Variants in PLA2G4D observed in about 807,000 individuals in gnomAD.
PLA2G4D encodes the protein cytosolic phospholipase A2 delta.
Under a neutral mutation model 94.4 loss-of-function variants are expected in PLA2G4D, and 80 were observed. The observed-to-expected ratio is 0.85, with a 90% confidence interval of 0.71 to 1.02. PLA2G4D has a LOEUF of 1.02. Ranked by LOEUF, PLA2G4D falls within the 50% of genes least tolerant of loss-of-function variation. The pLI is 0.00. For synonymous variants in PLA2G4D, 438 were observed against 440.9 expected, an observed-to-expected ratio of 0.99 and a Z score of 0.08; for missense variants, 1,050 against 1,034.7, an observed-to-expected ratio of 1.01 and a Z score of -0.20.
intron 13 of PLA2G4D, among the ~76,000 whole-genome samples, chr15:42,073,594 T>C (rs1164278264): frequency 6.6e-6 from 1 of 152,128 alleles, no homozygotes; most frequent in Non-Finnish European, 1.5e-5. Context: ...GAAGAGTGTC[T>C]AGTTCTAGAG....
At chr15:42,080,904 T>G in intron 12 of PLA2G4D, 93 bp downstream of exon 12, 1 of 1,463,514 alleles carries the variant, frequency 6.8e-7, no homozygotes, top group Non-Finnish European at 9.2e-7. Context: ...TCACACCTAC[T>G]TGGCCTCCCC....
Position 42,082,409 on chromosome 15 carries a change from C to T in PLA2G4D, c.673-20G>A. ...GGAGCTCTGAAGGGAAAGCATCATT[C>T]ATTCATTCATTCATTCATTCAACAA... is the stretch of plus-strand genomic sequence containing the variant. On this transcript the variant is annotated intron_variant, in intron 8 of 19. Coordinates refer to ENST00000290472, the MANE Select transcript of PLA2G4D (RefSeq NM_178034.4). The T allele has an allele frequency of 6.5e-7, 1 of 1,541,900 alleles. No individual in the cohort carries two copies. The highest frequency in any genetic ancestry group is 1.4e-5 in the African/African-American group (1 of 72,550).
chr15:42,083,353 G>T lies in PLA2G4D; in HGVS notation c.536-19C>A. On this transcript the variant is annotated intron_variant, in intron 7 of 19. Transcript: ENST00000290472. ...TCCTGATCTAGGGAGAGAGTAGGCG[G>T]GTTAGCATGAGAACAAGAGCCCGGA... 5 of 1,605,508 alleles carry T rather than the reference G, an allele frequency of 3.1e-6. No homozygotes were observed. Among genetic ancestry groups the T allele is most frequent in the Non-Finnish European group, 3.4e-6 (4 of 1,176,826 alleles).
intron 8 of PLA2G4D, among the ~76,000 whole-genome samples, chr15:42,082,815 A>C (rs1890064555): frequency 6.6e-6 from 1 of 152,116 alleles, no homozygotes; most frequent in Non-Finnish European, 1.5e-5. Context: ...ACAGGAGAGC[A>C]CTTGGCATAT....
intron 11 of PLA2G4D, 102 bp downstream of exon 11, chr15:42,081,377 C>T: frequency 6.6e-7 from 1 of 1,519,534 alleles, no homozygotes; most frequent in Non-Finnish European, 8.9e-7. Flanking sequence ...ACACACATGC[C>T]CACTCTCCAC....
At chr15:42,083,673 C>A (rs1462438049) in intron 7 of PLA2G4D, 43 bp downstream of exon 7, 1 of 1,609,270 alleles carries the variant, frequency 6.2e-7, no homozygotes, top group Non-Finnish European at 8.5e-7. Context: ...TCCTCACCCC[C>A]ACATCCAGGC....
intron 1 of PLA2G4D, among the ~76,000 whole-genome samples, chr15:42,090,975 T>G (rs901167789): frequency 1.2e-4 from 18 of 152,340 alleles, no homozygotes; most frequent in African/African-American, 2.2e-4. Flanking sequence ...AGCCTCCCCC[T>G]TTTTTCCAGT....
Position 42,089,124 on chromosome 15 carries a change from G to A in PLA2G4D, c.46-1424C>T, listed in dbSNP as rs149989584. ...CCTGAGGGAGCCAAAAGCCAGTGCA[G>A]TGTTTGCACAGTGAACATTTGATAT... On this transcript the variant is annotated intron_variant, in intron 1 of 19. Coordinates refer to ENST00000290472, the MANE Select transcript of PLA2G4D (RefSeq NM_178034.4). 1.7e-3 allele frequency among the ~76,000 whole-genome samples: 253 copies of A among 152,380 alleles called. 2 individuals carry two copies. The highest frequency in any genetic ancestry group is 5.8e-3 in the African/African-American group (242 of 41,596).
intron 1 of PLA2G4D, among the ~76,000 whole-genome samples, chr15:42,092,831 G>A (rs1032206848): frequency 6.6e-6 from 1 of 152,234 alleles, no homozygotes; most frequent in African/African-American, 2.4e-5. Context: ...AGAGCTTAAG[G>A]GGGTTGGGTC....
Position 42,083,163 on chromosome 15 carries a change from T to C in PLA2G4D, c.672+35A>G, listed in dbSNP as rs202179198. On this transcript the variant is annotated intron_variant, in intron 8 of 19. Coordinates refer to ENST00000290472, the MANE Select transcript of PLA2G4D (RefSeq NM_178034.4). Reference sequence around the variant, plus strand: ...CGCTGCAGCTGGAGCTGCCCAAGCCTAGGATTGCAAACGAGGTCTAGAGCC... The same window carrying C: ...CGCTGCAGCTGGAGCTGCCCAAGCCCAGGATTGCAAACGAGGTCTAGAGCC... 9.4e-4 allele frequency: 1,501 copies of C among 1,600,640 alleles called. 4 individuals carry two copies. Among genetic ancestry groups the C allele is most frequent in the Non-Finnish European group, 8.4e-4 (984 of 1,174,100 alleles).
At chr15:42,083,874 A>C in intron 6 of PLA2G4D, 95 bp from the exon 7 acceptor site, 4 of 1,240,442 alleles carry the variant, frequency 3.2e-6, no homozygotes, top group Non-Finnish European at 3.5e-6. Context: ...CAAATCCACC[A>C]CACACACAAG....
intron 6 of PLA2G4D, 107 bp from the exon 7 acceptor site, chr15:42,083,886 A>T: frequency 1.8e-6 from 2 of 1,092,870 alleles, no homozygotes; most frequent in Non-Finnish European, 2.7e-6. Context: ...ACACACAAGG[A>T]GTTGTGTGGG....
rs1890097920 is a variant in PLA2G4D at position 42,084,235 on chromosome 15, C to A, written c.472-456G>T. On this transcript the variant is annotated intron_variant, in intron 6 of 19. Coordinates refer to ENST00000290472, the MANE Select transcript of PLA2G4D (RefSeq NM_178034.4). The surrounding 1 kb of genome is among the most constrained non-coding windows in gnomAD (Gnocchi z 4.8). ...CTGTGGCCTAACTGGGGGACAATGA[C>A]AAGGCCAGGCCCCCGTGGCCTTGCC... Among the ~76,000 whole-genome samples, 1 of 152,110 alleles carries A rather than the reference C, an allele frequency of 6.6e-6. No homozygotes were observed. The highest frequency in any genetic ancestry group is 2.4e-5 in the African/African-American group (1 of 41,404).
chr15:42,072,158 C>T (rs1889836991), intron 14 of PLA2G4D, 117 bp downstream of exon 14: 2 of 1,066,732 alleles, frequency 1.9e-6, no homozygotes, highest in Admixed American at 1.9e-5. Context: ...GCACCACTGC[C>T]CTTCCGGAAC....
At chr15:42,089,266 G>A (rs1329449541) in intron 1 of PLA2G4D, among the ~76,000 whole-genome samples, 6 of 152,182 alleles carry the variant, frequency 3.9e-5, no homozygotes, top group Middle Eastern at 3.4e-3. Flanking sequence ...ACAAGGACTC[G>A]TACCCGCTCT....
chr15:42,085,643 C>T (rs192229007), intron 4 of PLA2G4D, 112 bp from the exon 5 acceptor site: 240 of 1,043,534 alleles, frequency 2.3e-4, no homozygotes, highest in Non-Finnish European at 2.1e-4. Flanking sequence ...AAGGGAGGCA[C>T]GTTAGTACAA....
intron 6 of PLA2G4D, 87 bp downstream of exon 6, chr15:42,085,009 C>G: frequency 1.4e-6 from 2 of 1,477,982 alleles, no homozygotes; most frequent in Non-Finnish European, 1.9e-6. Context: ...CTTCCTTGTC[C>G]CTGCTGGTCC....
chr15:42,093,008 C>T (rs1890271569), intron 1 of PLA2G4D, among the ~76,000 whole-genome samples: 1 of 152,118 alleles, frequency 6.6e-6, no homozygotes, highest in South Asian at 2.1e-4. Flanking sequence ...AGCCCCAGGC[C>T]CTGCACCTCC....
In PLA2G4D at chr15:42,084,001, T is replaced by C; in HGVS notation, c.472-222A>G. 1.8e-6 allele frequency: 1 copy of C among 551,564 alleles called. No individual in the cohort carries two copies. Among genetic ancestry groups the C allele is most frequent in the Non-Finnish European group, 3.3e-6 (1 of 306,938 alleles). The allele number at this position is 551,564 out of a possible 1,614,324, so 34.2% of individuals were successfully genotyped here. A position where few individuals can be genotyped will look rare whatever the true frequency, so the allele number is the denominator to read the frequency against. Reference sequence around the variant, plus strand: ...GCCAGGAGGGCCCTGGCTCCACACCTCCCCTCCAGCTCCCCTGGCTTTGCC... The same window carrying C: ...GCCAGGAGGGCCCTGGCTCCACACCCCCCCTCCAGCTCCCCTGGCTTTGCC... On this transcript the variant is annotated intron_variant, in intron 6 of 19. Transcript: ENST00000290472. This position sits in a 1 kb window ranked among gnomAD's most constrained non-coding sequence, Gnocchi z 4.8.
Sources: allele counts gnomAD v4.1 joint callset (sites outside exome capture counted in the v4.1 genomes callset), GRCh38; gene constraint gnomAD v4.1.1; non-coding constraint Gnocchi (gnomAD v3.1); transcripts MANE v1.5; gene names NCBI Gene and HGNC (gene_info 2026-07-23, HGNC 2026-07-21).